Variants in PPARGC1A observed in about 807,000 individuals in gnomAD.
The protein encoded by PPARGC1A is PPARG coactivator 1 alpha.
PPARGC1A carries 25 observed loss-of-function variants against 88.7 expected under a neutral mutation model. The observed-to-expected ratio is 0.28, with a 90% CI of 0.21 to 0.39. The LOEUF is 0.39. Ranked by LOEUF, PPARGC1A falls within the 10% of genes least tolerant of loss-of-function variation. PPARGC1A has a pLI of 1.00. For synonymous variants in PPARGC1A, 363 were observed against 355.6 expected (o/e 1.02, Z -0.24); for missense variants, 880 against 968.7 (o/e 0.91, Z 1.22).
the PPARGC1A span, among the ~76,000 whole-genome samples, chr4:24,213,412 C>T: frequency 6.6e-6 from 1 of 152,030 alleles, no homozygotes; most frequent in Non-Finnish European, 1.5e-5. Flanking sequence ...GTGATCCGCC[C>T]GCCTCGGCCT....
chr4:24,347,415 T>C, the PPARGC1A span, among the ~76,000 whole-genome samples: 3 of 152,198 alleles, frequency 2.0e-5, no homozygotes, highest in African/African-American at 7.2e-5. Context: ...TATTAGTAAT[T>C]GTTTTATAAA....
the PPARGC1A span, among the ~76,000 whole-genome samples, chr4:24,240,435 C>T: frequency 8.5e-5 from 13 of 152,190 alleles, no homozygotes; most frequent in African/African-American, 2.7e-4. Context: ...GGACTCCCTG[C>T]TTCTACAGCT....
upstream of PPARGC1A, among the ~76,000 whole-genome samples, chr4:23,905,259 A>C (rs944906703): frequency 6.6e-6 from 1 of 152,226 alleles, no homozygotes; most frequent in Non-Finnish European, 1.5e-5. Context: ...TGGATTCTGG[A>C]AACGATGTCA....
At chr4:24,151,747 G>A in the PPARGC1A span, among the ~76,000 whole-genome samples, 7 of 152,144 alleles carry the variant, frequency 4.6e-5, no homozygotes, top group African/African-American at 9.7e-5. Flanking sequence ...CATCCATGAC[G>A]GAAGGAGTGA....
the PPARGC1A span, among the ~76,000 whole-genome samples, chr4:24,223,298 G>A: frequency 2.9e-5 from 4 of 139,816 alleles, no homozygotes; most frequent in East Asian, 8.3e-4. Context: ...GGCCCAGGCT[G>A]GAGTGCAGTG....
chr4:23,916,559 C>A, the PPARGC1A span, among the ~76,000 whole-genome samples: 4 of 151,912 alleles, frequency 2.6e-5, no homozygotes, highest in Non-Finnish European at 4.4e-5. Flanking sequence ...GCTCTGAAAC[C>A]TGCTTTTTTA....
the PPARGC1A span, among the ~76,000 whole-genome samples, chr4:24,446,296 C>T: frequency 5.6e-4 from 85 of 152,264 alleles, no homozygotes; most frequent in Admixed American, 5.9e-4. Context: ...GGTGGTATCT[C>T]ATTGTTTTGA....
At chr4:24,120,392 G>T in the PPARGC1A span, among the ~76,000 whole-genome samples, 3 of 152,180 alleles carry the variant, frequency 2.0e-5, no homozygotes, top group African/African-American at 7.2e-5. Flanking sequence ...ACAATGGCAT[G>T]ATATTCATAA....
At chr4:24,425,237 T>C in the PPARGC1A span, among the ~76,000 whole-genome samples, 13 of 152,320 alleles carry the variant, frequency 8.5e-5, no homozygotes, top group East Asian at 2.5e-3. Flanking sequence ...CCTTAAAATA[T>C]CACGGGCCAT....
At chr4:24,024,126 G>C in the PPARGC1A span, among the ~76,000 whole-genome samples, 2 of 152,182 alleles carry the variant, frequency 1.3e-5, no homozygotes, top group East Asian at 1.9e-4. Flanking sequence ...CTGTGTTCTG[G>C]TGTAACTCAT....
At chr4:24,048,211 C>A in the PPARGC1A span, among the ~76,000 whole-genome samples, 1 of 152,148 alleles carries the variant, frequency 6.6e-6, no homozygotes, top group Non-Finnish European at 1.5e-5. Flanking sequence ...CCTTGCTGTG[C>A]AGTCTTTCCT....
At chr4:24,461,321 C>A in the PPARGC1A span, among the ~76,000 whole-genome samples, 153 of 152,332 alleles carry the variant, frequency 1.0e-3, no homozygotes, top group African/African-American at 3.2e-3. Flanking sequence ...GTTCCTACTT[C>A]TAAATTTCTA....
At chr4:24,031,749 C>A in the PPARGC1A span, among the ~76,000 whole-genome samples, 14 of 152,184 alleles carry the variant, frequency 9.2e-5, no homozygotes, top group Non-Finnish European at 2.1e-4. Flanking sequence ...CAACTGAGAA[C>A]CACTTCATTA....
At chr4:24,418,070 G>C in the PPARGC1A span, among the ~76,000 whole-genome samples, 1 of 151,896 alleles carries the variant, frequency 6.6e-6, no homozygotes, top group African/African-American at 2.4e-5. Context: ...ATAAAAAATT[G>C]TGTGGGCTTT....
At chr4:24,272,875 T>A in the PPARGC1A span, among the ~76,000 whole-genome samples, 1 of 152,214 alleles carries the variant, frequency 6.6e-6, no homozygotes, top group African/African-American at 2.4e-5. Flanking sequence ...GTGCAATAGA[T>A]CTAATTCACA....
At chr4:24,060,089 C>T in the PPARGC1A span, among the ~76,000 whole-genome samples, 1 of 152,164 alleles carries the variant, frequency 6.6e-6, no homozygotes. Context: ...CTATTTTTCA[C>T]AGACTCTTGA....
At chr4:24,050,194 C>CTTTTTTTTTTTT in the PPARGC1A span, among the ~76,000 whole-genome samples, 2 of 127,808 alleles carry the variant, frequency 1.6e-5, 1 homozygote, top group Non-Finnish European at 3.2e-5. Context: ...CTTAGGTGAC[C>CTTTTTTTTTTTT]TTTTGTTTTT....
At chr4:24,356,385 C>T in the PPARGC1A span, among the ~76,000 whole-genome samples, 1 of 152,164 alleles carries the variant, frequency 6.6e-6, no homozygotes, top group Non-Finnish European at 1.5e-5. Context: ...AATCAGGACC[C>T]TAATTAACTT....
the PPARGC1A span, among the ~76,000 whole-genome samples, chr4:23,958,674 C>G: frequency 3.1e-4 from 47 of 151,996 alleles, no homozygotes; most frequent in Non-Finnish European, 5.4e-4. Flanking sequence ...TTTTAAAACA[C>G]TCAAATATCT....
Sources: gnomAD v4.1 joint callset for allele counts (sites outside exome capture counted in the v4.1 genomes callset) on GRCh38, gnomAD v4.1.1 for gene constraint, MANE v1.5 for transcripts, NCBI Gene and HGNC (gene_info 2026-07-23, HGNC 2026-07-21) for gene names.